Variants in SPATA31H1 observed in about 807,000 individuals in gnomAD.
SPATA31H1 encodes SPATA31 subfamily H member 1, also known as spermatogenesis-associated protein 31H1.
chr2:27,577,597 A>T, the SPATA31H1 span: 4 of 1,614,024 alleles, frequency 2.5e-6, no homozygotes, highest in Non-Finnish European at 3.4e-6. The surrounding 1 kb of genome is among the most constrained non-coding windows in gnomAD (Gnocchi z 4.5). Context: ...TCATTACATC[A>T]CGTCCCAGAT....
At chr2:27,540,535 C>A in the SPATA31H1 span, among the ~76,000 whole-genome samples, 5 of 138,496 alleles carry the variant, frequency 3.6e-5, no homozygotes, top group African/African-American at 1.1e-4. Flanking sequence ...TGACCCCCCC[C>A]CCACCTCCCT....
chr2:27,572,402 A>G, the SPATA31H1 span: 4 of 398,344 alleles, frequency 1.0e-5, no homozygotes, highest in South Asian at 5.1e-4. Context: ...TTGGGTCACA[A>G]TCTCGAAGTG....
At chr2:27,542,737 T>C in the SPATA31H1 span, among the ~76,000 whole-genome samples, 1 of 151,888 alleles carries the variant, frequency 6.6e-6, no homozygotes, top group African/African-American at 2.4e-5. Context: ...CTATTTACAG[T>C]CTTATATAAC....
chr2:27,578,135 T>A, the SPATA31H1 span: 5 of 1,614,094 alleles, frequency 3.1e-6, no homozygotes, highest in Non-Finnish European at 4.2e-6. Context: ...GACCACCATT[T>A]CAAATTGTAA....
chr2:27,556,096 C>T, the SPATA31H1 span, among the ~76,000 whole-genome samples: 1 of 144,848 alleles, frequency 6.9e-6, no homozygotes, highest in Non-Finnish European at 1.5e-5. Context: ...CGCGCCACTG[C>T]ACTCCAGCAT....
the SPATA31H1 span, chr2:27,579,226 C>G: frequency 5.6e-6 from 9 of 1,614,066 alleles, no homozygotes; most frequent in South Asian, 9.9e-5. Context: ...CAGCGACTAC[C>G]AAGAAAATAT....
At chr2:27,577,087 T>C in the SPATA31H1 span, 6 of 1,614,038 alleles carry the variant, frequency 3.7e-6, no homozygotes, top group African/African-American at 2.7e-5. The surrounding 1 kb of genome is among the most constrained non-coding windows in gnomAD (Gnocchi z 4.5). Context: ...TATAAAGGCA[T>C]AGATACTGTA....
At chr2:27,555,081 A>G in the SPATA31H1 span, among the ~76,000 whole-genome samples, 8 of 151,866 alleles carry the variant, frequency 5.3e-5, no homozygotes, top group African/African-American at 1.5e-4. Flanking sequence ...TGTTTGGTTG[A>G]GTGTTTTTAT....
chr2:27,572,001 G>A, the SPATA31H1 span: 7 of 398,462 alleles, frequency 1.8e-5, no homozygotes, highest in South Asian at 1.3e-4. Flanking sequence ...TGTGAATTTT[G>A]AGCAAGTAAA....
the SPATA31H1 span, chr2:27,567,229 G>C: frequency 1.6e-6 from 1 of 618,972 alleles, no homozygotes; most frequent in Non-Finnish European, 2.9e-6. Flanking sequence ...GAGAGACCAC[G>C]ACTTCCAAGG....
At chr2:27,570,311 G>A in the SPATA31H1 span, 42 of 398,782 alleles carry the variant, frequency 1.1e-4, no homozygotes, top group East Asian at 3.2e-4. Flanking sequence ...TGAAATCTGC[G>A]AAATTGACCT....
chr2:27,581,249 T>G, the SPATA31H1 span: 1 of 1,614,186 alleles, frequency 6.2e-7, no homozygotes, highest in Non-Finnish European at 8.5e-7. Flanking sequence ...GAACCCGTCA[T>G]AACCCCTCTT....
the SPATA31H1 span, among the ~76,000 whole-genome samples, chr2:27,548,533 C>T: frequency 2.5e-4 from 37 of 146,590 alleles, no homozygotes; most frequent in East Asian, 2.3e-3. Flanking sequence ...ACTTGAGCCT[C>T]GGGGGAAGAG....
At chr2:27,576,888 G>A in the SPATA31H1 span, 1 of 1,614,074 alleles carries the variant, frequency 6.2e-7, no homozygotes, top group South Asian at 1.1e-5. Context: ...GAAATATGGG[G>A]AGCAAACTCC....
At chr2:27,573,781 C>T in the SPATA31H1 span, 1 of 398,498 alleles carries the variant, frequency 2.5e-6, no homozygotes, top group Non-Finnish European at 4.4e-6. Flanking sequence ...ACACAAGTGC[C>T]ACAGTTTTCA....
the SPATA31H1 span, chr2:27,580,153 T>C: frequency 6.8e-5 from 110 of 1,614,026 alleles, no homozygotes; most frequent in East Asian, 2.2e-5. Context: ...AGAAGCCCTA[T>C]ATCACCATCA....
the SPATA31H1 span, chr2:27,568,976 A>G: frequency 2.5e-6 from 1 of 398,980 alleles, no homozygotes. Flanking sequence ...ATCAAGGAAA[A>G]GAAGCAAAGT....
chr2:27,539,960 C>T, the SPATA31H1 span, among the ~76,000 whole-genome samples: 7 of 126,650 alleles, frequency 5.5e-5, no homozygotes, highest in Admixed American at 1.6e-4. Context: ...GCTGGCCAGG[C>T]GGGGGGCTGA....
chr2:27,582,686 G>A, the SPATA31H1 span: 3 of 682,708 alleles, frequency 4.4e-6, no homozygotes, highest in Middle Eastern at 8.0e-4. Context: ...GAATGGGTCT[G>A]TAATTTCTCT....
Sources: allele counts gnomAD v4.1 joint callset (sites outside exome capture counted in the v4.1 genomes callset), GRCh38; gene constraint gnomAD v4.1.1; non-coding constraint Gnocchi (gnomAD v3.1); transcripts MANE v1.5; gene names NCBI Gene and HGNC (gene_info 2026-07-23, HGNC 2026-07-21).